The following SNX10 variants were observed in gnomAD, a reference collection of about 807,000 sequenced individuals.
The protein encoded by SNX10 is sorting nexin-10.
A neutral mutation model predicts 28.5 loss-of-function variants in SNX10; 25 were observed. That is an observed-to-expected ratio of 0.88 (90% CI 0.64 to 1.22). SNX10 has a LOEUF of 1.22. SNX10 is among the 50% of genes most tolerant of loss of function. The probability of loss-of-function intolerance (pLI) is 0.00; values close to 1 mark genes in which losing one functional copy is unlikely to be tolerated. For synonymous variants in SNX10, 62 were observed against 81.4 expected (o/e 0.76, Z 1.28); for missense variants, 223 against 242.6 (o/e 0.92, Z 0.54).
intron 1 of SNX10, among the ~76,000 whole-genome samples, chr7:26,310,763 G>A (rs1786798106): frequency 6.6e-6 from 1 of 151,034 alleles, no homozygotes; most frequent in Non-Finnish European, 1.5e-5. Flanking sequence ...CTCACTGCAA[G>A]CTCCGCCTCC....
intron 1 of SNX10, among the ~76,000 whole-genome samples, chr7:26,301,417 C>G (rs1425838793): frequency 6.6e-6 from 1 of 152,156 alleles, no homozygotes; most frequent in African/African-American, 2.4e-5. Flanking sequence ...GAAATGCCTA[C>G]TAAATTCCTA....
chr7:26,311,741 G>C (rs549977951), intron 1 of SNX10, among the ~76,000 whole-genome samples: 1 of 152,138 alleles, frequency 6.6e-6, no homozygotes, highest in Non-Finnish European at 1.5e-5. Context: ...GCCCTCTGAG[G>C]CTGAGTCACT....
intron 1 of SNX10, among the ~76,000 whole-genome samples, chr7:26,329,606 G>A (rs559055614): frequency 2.0e-5 from 3 of 152,304 alleles, no homozygotes; most frequent in South Asian, 2.1e-4. Flanking sequence ...CTCAACAAGC[G>A]TTAGTTTGCT....
intron 2 of SNX10, chr7:26,360,543 G>T: frequency 5.7e-6 from 1 of 174,454 alleles, no homozygotes; most frequent in Non-Finnish European, 1.2e-5. Context: ...GCTTGGCCTG[G>T]TGCCTTTCTT....
chr7:26,311,110 C>G (rs1187057676), intron 1 of SNX10, among the ~76,000 whole-genome samples: 2 of 151,960 alleles, frequency 1.3e-5, no homozygotes, highest in Admixed American at 1.3e-4. Context: ...AGTGCATACC[C>G]CGTTATCTGG....
At chr7:26,360,119 G>T (rs143532847) in intron 2 of SNX10, among the ~76,000 whole-genome samples, 1 of 152,180 alleles carries the variant, frequency 6.6e-6, no homozygotes, top group Non-Finnish European at 1.5e-5. Flanking sequence ...TTTAAAAATA[G>T]AAAAGTATTA....
rs912687566 is a variant in SNX10, at chr7:26,344,683, G to A, written c.-23-1737G>A. Among the ~76,000 whole-genome samples the A allele has an allele frequency of 1.6e-4, 25 of 152,110 alleles. 1 individual carries two copies. The highest frequency in any genetic ancestry group is 1.5e-3 in the Admixed American group (23 of 15,290). On this transcript the variant is annotated intron_variant, in intron 1 of 6. Coordinates refer to ENST00000338523, the MANE Select transcript of SNX10 (RefSeq NM_013322.3). ...CTCTGAGCCTGCTGTGTACTCCACCGTGTGTCCTGCTTGCACCTCAGCCCA... is the reference window on the plus strand; with the variant it reads ...CTCTGAGCCTGCTGTGTACTCCACCATGTGTCCTGCTTGCACCTCAGCCCA...
chr7:26,355,954 G>C (rs1788802000), intron 2 of SNX10, among the ~76,000 whole-genome samples: 1 of 152,178 alleles, frequency 6.6e-6, no homozygotes, highest in South Asian at 2.1e-4. Flanking sequence ...TTGTTGTAAA[G>C]ATTGAAGAAA....
chr7:26,357,960 G>A (rs73068476), intron 2 of SNX10, among the ~76,000 whole-genome samples: 2 of 151,964 alleles, frequency 1.3e-5, no homozygotes, highest in Non-Finnish European at 2.9e-5. Context: ...TCAGCTCATG[G>A]GAGGGGGTTG....
intron 1 of SNX10, among the ~76,000 whole-genome samples, chr7:26,301,047 C>T (rs1043385272): frequency 3.5e-5 from 5 of 144,172 alleles, no homozygotes; most frequent in Non-Finnish European, 7.5e-5. Flanking sequence ...AAAAAAAAGC[C>T]ATCATCTCTC....
At chr7:26,330,924 A>G (rs1787724952) in intron 1 of SNX10, among the ~76,000 whole-genome samples, 2 of 152,124 alleles carry the variant, frequency 1.3e-5, no homozygotes, top group Non-Finnish European at 2.9e-5. Context: ...TCAAGACAGG[A>G]GGATCACTTG....
chr7:26,371,193 G>A (rs2128028883), intron 5 of SNX10, among the ~76,000 whole-genome samples: 1 of 151,894 alleles, frequency 6.6e-6, no homozygotes, highest in Middle Eastern at 3.4e-3. Flanking sequence ...AAGTTGGCTG[G>A]GATCAATTTT....
chr7:26,338,660 T>TC (rs1369123945), intron 1 of SNX10, among the ~76,000 whole-genome samples: 1 of 152,162 alleles, frequency 6.6e-6, no homozygotes, highest in East Asian at 1.9e-4. Flanking sequence ...CACCTCGGCC[T>TC]CCCAAAGTGC....
chr7:26,342,215 C>T (rs906504441), intron 1 of SNX10, among the ~76,000 whole-genome samples: 5 of 151,914 alleles, frequency 3.3e-5, no homozygotes, highest in Admixed American at 6.6e-5. Flanking sequence ...TTAGTAGAGA[C>T]GGGGTTTCAC....
intron 1 of SNX10, among the ~76,000 whole-genome samples, chr7:26,318,645 T>G (rs999025204): frequency 3.3e-5 from 5 of 152,154 alleles, no homozygotes; most frequent in African/African-American, 1.2e-4. Flanking sequence ...CTAATTTTTG[T>G]GTTTATTGTA....
chr7:26,330,218 A>G (rs762715503), intron 1 of SNX10, among the ~76,000 whole-genome samples: 21 of 144,970 alleles, frequency 1.4e-4, no homozygotes, highest in African/African-American at 4.5e-4. Flanking sequence ...AGGAGGTCAG[A>G]AAAAGTGGGG....
rs529444492 is a variant in SNX10 at position 26,315,991 on chromosome 7, G to A, written c.-24+23905G>A. Among the ~76,000 whole-genome samples the A allele has an allele frequency of 3.5e-3, 525 of 151,906 alleles. 3 individuals are homozygous for A. The highest frequency in any genetic ancestry group is 5.3e-3 in the Non-Finnish European group (363 of 67,954). ...AGGTCAGGAGATCGAGACCATCCTGGCTAACATGGTGAAACCCCGTCTCTA... is the reference window on the plus strand; with the variant it reads ...AGGTCAGGAGATCGAGACCATCCTGACTAACATGGTGAAACCCCGTCTCTA... On this transcript the variant is annotated intron_variant, in intron 1 of 6. Coordinates refer to ENST00000338523, the MANE Select transcript of SNX10 (RefSeq NM_013322.3).
At position 26,373,119 on chromosome 7, in the gene SNX10, C is replaced by G. The variant is rs1789639510; in HGVS notation, c.*547C>G. ...CTGAAATATTTTAAGAGTATTTAAC[C>G]TTTCCAGTATTCTGTTTCACGCTTA... On this transcript the variant is annotated 3_prime_UTR_variant, in exon 7 of 7. Transcript: ENST00000338523. This position sits in a 1 kb window ranked among gnomAD's most constrained non-coding sequence, Gnocchi z 4.2. 6.6e-6 allele frequency: 1 copy of G among 152,158 alleles called. No individual in the cohort carries two copies. Among genetic ancestry groups the G allele is most frequent in the Non-Finnish European group, 1.5e-5 (1 of 68,022 alleles). 9.4% of individuals were successfully genotyped at this position (152,158 alleles called of 1,614,324 possible).
chr7:26,337,770 A>T (rs916292514), intron 1 of SNX10, among the ~76,000 whole-genome samples: 1 of 152,164 alleles, frequency 6.6e-6, no homozygotes, highest in African/African-American at 2.4e-5. Context: ...ACTGCTGTGG[A>T]TGTGGACCCA....
Sources: allele counts gnomAD v4.1 joint callset (sites outside exome capture counted in the v4.1 genomes callset), GRCh38; gene constraint gnomAD v4.1.1; non-coding constraint Gnocchi (gnomAD v3.1); transcripts MANE v1.5; gene names NCBI Gene and HGNC (gene_info 2026-07-23, HGNC 2026-07-21).